The following NECAB2 variants were observed in gnomAD, a reference collection of about 807,000 sequenced individuals.
The protein encoded by NECAB2 is N-terminal EF-hand calcium binding protein 2.
NECAB2 carries 68 observed loss-of-function variants against 51.9 expected under a neutral mutation model. The observed-to-expected ratio is 1.31, with a 90% confidence interval of 1.08 to 1.60. The LOEUF (loss-of-function observed/expected upper bound fraction) is 1.60, where lower values mean the gene tolerates loss of function less well. NECAB2 is among the 40% of genes most tolerant of loss of function. NECAB2 has a pLI of 0.00. For missense variants in NECAB2, 854 were observed against 490.3 expected, an observed-to-expected ratio of 1.74 and a Z score of -7.00; for synonymous variants, 329 against 203.5, an observed-to-expected ratio of 1.62 and a Z score of -5.25.
At chr16:83,999,200 G>T (rs190750390) in intron 10 of NECAB2, among the ~76,000 whole-genome samples, 144 of 152,338 alleles carry the variant, frequency 9.5e-4, no homozygotes, top group African/African-American at 3.2e-3. Context: ...AGTAGCCTGG[G>T]CAGGAGTGCG....
At chr16:83,965,334 G>T (rs369392211), upstream of NECAB2, 1 of 1,573,980 alleles carries the variant, frequency 6.4e-7, no homozygotes, top group Non-Finnish European at 8.6e-7. Flanking sequence ...AGCCCGGCCC[G>T]GCTGGGCATC....
At chr16:83,986,567 C>A (rs2084558906) in intron 5 of NECAB2, among the ~76,000 whole-genome samples, 1 of 152,120 alleles carries the variant, frequency 6.6e-6, no homozygotes, top group Non-Finnish European at 1.5e-5. Flanking sequence ...GGCTGGAGTA[C>A]AGTGGCACAG....
chr16:83,993,839 C>G (rs2084657723), intron 6 of NECAB2, among the ~76,000 whole-genome samples: 1 of 152,120 alleles, frequency 6.6e-6, no homozygotes, highest in Admixed American at 6.6e-5. Context: ...TTAGGTCTCG[C>G]TTTTATGTGT....
intron 2 of NECAB2, among the ~76,000 whole-genome samples, chr16:83,973,434 G>T (rs1478017330): frequency 1.3e-5 from 2 of 152,176 alleles, no homozygotes; most frequent in African/African-American, 4.8e-5. Context: ...CTGCATCCCT[G>T]GGGGGTGACA....
chr16:83,972,310 C>G (rs549855877), intron 2 of NECAB2, 135 bp downstream of exon 2: 1 of 1,237,112 alleles, frequency 8.1e-7, no homozygotes, highest in African/African-American at 1.5e-5. Flanking sequence ...AGTTAGAAGG[C>G]CAAATCCTGC....
At chr16:83,990,251 C>T (rs754062154) in intron 5 of NECAB2, among the ~76,000 whole-genome samples, 3 of 152,192 alleles carry the variant, frequency 2.0e-5, no homozygotes, top group Non-Finnish European at 4.4e-5. Context: ...CCATTATACT[C>T]TGGGAGGTCA....
intron 5 of NECAB2, among the ~76,000 whole-genome samples, chr16:83,982,879 CT>C (rs1037655133): frequency 6.7e-6 from 1 of 148,192 alleles, no homozygotes; most frequent in African/African-American, 2.5e-5. Context: ...TTTTCTTTTT[CT>C]TTTTTTTTGA....
intron 8 of NECAB2, among the ~76,000 whole-genome samples, chr16:83,994,936 G>A (rs1283265289): frequency 6.6e-6 from 1 of 152,216 alleles, no homozygotes; most frequent in East Asian, 1.9e-4. Flanking sequence ...AGGCGGGCCT[G>A]CAGGCAGCAG....
At chr16:83,971,963 T>A (rs2084352601) in intron 1 of NECAB2, 188 bp from the exon 2 acceptor site, 4 of 724,226 alleles carry the variant, frequency 5.5e-6, no homozygotes, top group African/African-American at 3.6e-5. Flanking sequence ...AGGGCCTCTG[T>A]CTGCAACATC....
chr16:83,989,727 T>G (rs2084598060), intron 5 of NECAB2, among the ~76,000 whole-genome samples: 1 of 152,208 alleles, frequency 6.6e-6, no homozygotes, highest in South Asian at 2.1e-4. Flanking sequence ...GCATCTCCAC[T>G]GGATCCAAAA....
intron 4 of NECAB2, 27 bp downstream of exon 4, chr16:83,980,891 A>G (rs2084478650): frequency 1.2e-6 from 2 of 1,613,438 alleles, no homozygotes; most frequent in Non-Finnish European, 8.5e-7. Flanking sequence ...GCTGGGACCA[A>G]GATGGGGATG....
rs2292324 is a variant in NECAB2 at position 83,994,409 on chromosome 16, C to A, written c.704C>A (p.Thr235Asn). 3 of 1,613,866 alleles carry A rather than the reference C, an allele frequency of 1.9e-6. No individual in the cohort carries two copies. Among genetic ancestry groups the A allele is most frequent in the African/African-American group, 2.7e-5 (2 of 74,928 alleles). Residue 235 changes from threonine to asparagine, a missense_variant, in exon 7 of 13, where the codon ACC becomes AAC. By Grantham distance (65) the Thr-to-Asn change is moderately conservative. Transcript: ENST00000305202. ...HKLMAMEQGK[T>N]LPSATEDAKE... ...CTCATGGCTATGGAACAAGGCAAGA[C>A]CCTTCCATCTGGTGAGAGAAAGCGG...
chr16:83,991,461 G>C (rs2084624718), intron 6 of NECAB2, among the ~76,000 whole-genome samples: 1 of 147,778 alleles, frequency 6.8e-6, no homozygotes, highest in Admixed American at 6.8e-5. Context: ...CCGCCTCCCA[G>C]GTTCAAGCGA....
Position 83,997,275 on chromosome 16 carries a change from GC to G in NECAB2, c.849+10del. On this transcript the variant is annotated splice_region_variant and intron_variant, in intron 9 of 12. Coordinates refer to ENST00000305202, the MANE Select transcript of NECAB2 (RefSeq NM_019065.3). ...ATGAAGATGGCACCAACATGGTGAG[GC>G]CCCTTCCCACCTCTCTTCTGGGACC... 4.3e-6 allele frequency: 7 copies of G among 1,614,058 alleles called. No homozygotes were observed. Among genetic ancestry groups the G allele is most frequent in the Non-Finnish European group, 5.9e-6 (7 of 1,179,994 alleles).
At chr16:84,001,108 C>T (rs1170493217) in intron 11 of NECAB2, among the ~76,000 whole-genome samples, 4 of 152,112 alleles carry the variant, frequency 2.6e-5, no homozygotes, top group Admixed American at 1.3e-4. Context: ...TTCTTTACCA[C>T]CCTGTAGAGT....
In NECAB2 at chr16:83,973,302, C is replaced by A. The variant is rs557684808; in HGVS notation, c.226+1127C>A. 5.3e-5 allele frequency among the ~76,000 whole-genome samples: 8 copies of A among 152,146 alleles called. No individual in the cohort carries two copies. In the East Asian group the frequency reaches 1.4e-3, roughly 26 times the overall value. On this transcript the variant is annotated intron_variant, in intron 2 of 12. Coordinates refer to ENST00000305202, the MANE Select transcript of NECAB2 (RefSeq NM_019065.3). The stretch of plus-strand genomic sequence containing the variant: ...AGCACCCGCCTCATCCCTGGGAGTT[C>A]CTGTTGACGGCTCCCACCCAGGGCG...
Position 83,970,516 on chromosome 16 carries a change from G to T in NECAB2, c.202-1635G>T, listed in dbSNP as rs147234206. On this transcript the variant is annotated intron_variant, in intron 1 of 12. Coordinates refer to ENST00000305202, the MANE Select transcript of NECAB2 (RefSeq NM_019065.3). ...GCTGTGCTTCAGTCTCACCGCCCAGGTGCCTAGAAATGACCAAGGGTGCCC... is the reference window on the plus strand; with the variant it reads ...GCTGTGCTTCAGTCTCACCGCCCAGTTGCCTAGAAATGACCAAGGGTGCCC... Among the ~76,000 whole-genome samples, 1,338 of 152,254 alleles carry T rather than the reference G, an allele frequency of 8.8e-3. 13 individuals are homozygous for T. Among genetic ancestry groups the T allele is most frequent in the South Asian group, 0.025 (119 of 4,830 alleles).
intron 6 of NECAB2, among the ~76,000 whole-genome samples, chr16:83,992,378 C>CG (rs67251558): frequency 1.1e-4 from 10 of 88,668 alleles, no homozygotes; most frequent in Admixed American, 4.9e-4. Context: ...GAGCACCCGT[C>CG]CCCCCGCCCA....
intron 5 of NECAB2, among the ~76,000 whole-genome samples, chr16:83,985,798 T>C (rs181187667): frequency 1.3e-5 from 2 of 152,380 alleles, no homozygotes; most frequent in East Asian, 1.9e-4. Context: ...TACTCTATTT[T>C]TTTAATGTAC....
Sources: gnomAD v4.1 joint callset for allele counts (sites outside exome capture counted in the v4.1 genomes callset) on GRCh38, gnomAD v4.1.1 for gene constraint, MANE v1.5 for transcripts, NCBI Gene and HGNC (gene_info 2026-07-23, HGNC 2026-07-21) for gene names.